The following HEG1 variants were observed in gnomAD, a reference collection of about 807,000 sequenced individuals.
HEG1 encodes protein HEG homolog 1.
Under a neutral mutation model 125.6 loss-of-function variants are expected in HEG1, and 56 were observed. That is an observed-to-expected ratio of 0.45 (90% CI 0.36 to 0.56). The LOEUF is 0.56. Among genes scored for constraint, HEG1 ranks in the 20% least tolerant of loss-of-function variants. The pLI is 0.00. For missense variants in HEG1, 1,523 were observed against 1,670.0 expected (o/e 0.91, Z 1.53); for synonymous variants, 644 against 668.5 (o/e 0.96, Z 0.57).
intron 5 of HEG1, among the ~76,000 whole-genome samples, chr3:125,018,540 A>G (rs1029357728): frequency 6.6e-6 from 1 of 152,240 alleles, no homozygotes; most frequent in Non-Finnish European, 1.5e-5. Context: ...ATACCTCAAT[A>G]AAGCTGGTTT....
chr3:125,047,730 C>T (rs967914185), intron 1 of HEG1, among the ~76,000 whole-genome samples: 1 of 152,118 alleles, frequency 6.6e-6, no homozygotes, highest in Admixed American at 6.5e-5. Context: ...CAATTCTAGC[C>T]CAACATATGA....
intron 1 of HEG1, among the ~76,000 whole-genome samples, chr3:125,038,577 T>C (rs1937567604): frequency 6.6e-6 from 1 of 152,196 alleles, no homozygotes; most frequent in African/African-American, 2.4e-5. Context: ...GGCATCGCAG[T>C]GGGGACAATG....
At chr3:124,980,771 G>A (rs1158539920) in intron 14 of HEG1, among the ~76,000 whole-genome samples, 3 of 152,034 alleles carry the variant, frequency 2.0e-5, no homozygotes, top group Non-Finnish European at 2.9e-5. Flanking sequence ...CGCTCACCTC[G>A]GCCTCCCACG....
chr3:125,005,179 G>A, intron 9 of HEG1, 86 bp downstream of exon 9: 1 of 770,514 alleles, frequency 1.3e-6, no homozygotes, highest in Non-Finnish European at 2.2e-6. Context: ...AGGAGACACA[G>A]CTGACCGCTA....
chr3:124,970,701 T>C lies in HEG1; in HGVS notation c.4097A>G (p.Tyr1366Cys), dbSNP rs923094201. ...TTCATCACTGATGAAAGACGGGTTA[T>C]ACTGTCCGGGGAAAATGCAAGAATG... ...SRHSCIFPGQYNPSFISDESR... is the reference protein window; with the variant it reads ...SRHSCIFPGQCNPSFISDESR... The change falls in exon 17 of 17, where the codon TAT (tyrosine) becomes TGT (cysteine). Residue 1366 changes from tyrosine (Y) to cysteine (C), a missense_variant. By Grantham distance (194) the Tyr-to-Cys change is radical. Transcript: ENST00000311127. The C allele has an allele frequency of 8.1e-6, 13 of 1,608,944 alleles. No homozygotes were observed. Among genetic ancestry groups the C allele is most frequent in the Non-Finnish European group, 1.1e-5 (13 of 1,177,672 alleles).
At chr3:124,979,376 T>C (rs868132490) in intron 14 of HEG1, among the ~76,000 whole-genome samples, 10 of 152,208 alleles carry the variant, frequency 6.6e-5, no homozygotes, top group South Asian at 4.1e-4. Context: ...TGGGAATCAC[T>C]GCATCAACCA....
rs149881929 is a variant in HEG1 at position 125,029,285 on chromosome 3, C to T, written c.520G>A (p.Gly174Ser). ...AETADARGRS[G>S]SSSRTNFTIL... Reference sequence around the variant, plus strand: ...GTGAAGTTTGTTCTACTTGAAGAGCCGCTCCTTCCTCTAGCATCTGCTGTT... The same window carrying T: ...GTGAAGTTTGTTCTACTTGAAGAGCTGCTCCTTCCTCTAGCATCTGCTGTT... Residue 174 changes from glycine to serine, a missense_variant, in exon 2 of 17, where the codon GGC becomes AGC. Coordinates refer to ENST00000311127, the MANE Select transcript of HEG1 (RefSeq NM_020733.2). The T allele has an allele frequency of 5.7e-4, 912 of 1,613,834 alleles. 1 individual carries two copies. The African/African-American group carries it at 0.01, about 18-fold the overall frequency.
At chr3:125,022,960 G>C (rs564155459) in intron 3 of HEG1, among the ~76,000 whole-genome samples, 1 of 152,314 alleles carries the variant, frequency 6.6e-6, no homozygotes, top group South Asian at 2.1e-4. Context: ...TTGGGAGGTT[G>C]AGGCGGGTGG....
intron 1 of HEG1, among the ~76,000 whole-genome samples, chr3:125,043,459 T>C (rs1937617755): frequency 6.6e-6 from 1 of 151,640 alleles, no homozygotes; most frequent in Non-Finnish European, 1.5e-5. Flanking sequence ...AGTCCTAGGG[T>C]CAAAGGTCAG....
Position 124,970,401 on chromosome 3 carries a change from C to T in HEG1, c.*251G>A, listed in dbSNP as rs1936403583. On this transcript the variant is annotated 3_prime_UTR_variant, in exon 17 of 17. Transcript: ENST00000311127. Reference sequence around the variant, plus strand: ...TGGTGCCAGTGCCATGGTGCAGTCACTCAGAGAGACTCTCTTGATACTGGC... The same window carrying T: ...TGGTGCCAGTGCCATGGTGCAGTCATTCAGAGAGACTCTCTTGATACTGGC... 1.3e-5 allele frequency: 6 copies of T among 460,136 alleles called. No homozygotes were observed. In the East Asian group the frequency reaches 2.3e-4, roughly 18 times the overall value. 28.5% of individuals were successfully genotyped at this position (460,136 alleles called of 1,614,324 possible). A position where few individuals can be genotyped will look rare whatever the true frequency, so the allele number is the denominator to read the frequency against.
chr3:124,974,770 T>G (rs1403269194), intron 15 of HEG1, among the ~76,000 whole-genome samples: 1 of 152,208 alleles, frequency 6.6e-6, no homozygotes, highest in Non-Finnish European at 1.5e-5. Flanking sequence ...ATAAGTTTTC[T>G]AGGGAAGGCA....
At chr3:125,035,482 T>C (rs1453959647) in intron 1 of HEG1, among the ~76,000 whole-genome samples, 1 of 152,032 alleles carries the variant, frequency 6.6e-6, no homozygotes, top group Non-Finnish European at 1.5e-5. Context: ...ACAGTGACAA[T>C]GGAAGCCAAA....
Position 125,020,869 on chromosome 3 carries a change from C to T in HEG1, c.1175G>A (p.Gly392Glu). 1.9e-6 allele frequency: 3 copies of T among 1,613,970 alleles called. No individual in the cohort carries two copies. The highest frequency in any genetic ancestry group is 2.5e-6 in the Non-Finnish European group (3 of 1,179,882). ...RRNSRVTGNP[G>E]DEEFIEPSTE... ...GGATGGTTCAATGAATTCCTCATCC[C>T]CTGGATTCCCAGTTACTCTACTGTT... The change falls in exon 4 of 17, where the codon GGG becomes GAG. Residue 392 changes from glycine to glutamate, a missense_variant. Gly to Glu is a moderately conservative substitution (Grantham distance 98, BLOSUM62 -2). Coordinates refer to ENST00000311127, the MANE Select transcript of HEG1 (RefSeq NM_020733.2).
intron 3 of HEG1, among the ~76,000 whole-genome samples, chr3:125,026,817 T>C (rs574950023): frequency 6.6e-6 from 1 of 152,116 alleles, no homozygotes; most frequent in East Asian, 1.9e-4. Context: ...CTGGCCAACA[T>C]GCTGAAACCC....
At chr3:125,000,880 C>T (rs1017911719) in intron 11 of HEG1, among the ~76,000 whole-genome samples, 1 of 152,226 alleles carries the variant, frequency 6.6e-6, no homozygotes, top group Non-Finnish European at 1.5e-5. Context: ...GCCAGCCCTA[C>T]TTGTGTAGTA....
At chr3:124,974,257 A>C (rs1405443978) in intron 15 of HEG1, among the ~76,000 whole-genome samples, 1 of 152,122 alleles carries the variant, frequency 6.6e-6, no homozygotes, top group Non-Finnish European at 1.5e-5. Flanking sequence ...AATTCACAGA[A>C]TGCTGGAGCC....
intron 14 of HEG1, among the ~76,000 whole-genome samples, chr3:124,983,317 G>A (rs1302518549): frequency 6.7e-6 from 1 of 150,230 alleles, no homozygotes; most frequent in Non-Finnish European, 1.5e-5. Context: ...TGTGATTTAT[G>A]GTTAGAATTT....
chr3:125,002,317 T>C lies in HEG1; in HGVS notation c.3298-2A>G, dbSNP rs1291873639. 1.2e-6 allele frequency: 2 copies of C among 1,612,936 alleles called. No homozygotes were observed. The highest frequency in any genetic ancestry group is 1.7e-6 in the Non-Finnish European group (2 of 1,179,250). On this transcript the variant is annotated splice_acceptor_variant, in intron 9 of 16. Coordinates refer to ENST00000311127, the MANE Select transcript of HEG1 (RefSeq NM_020733.2). LOFTEE classifies it high-confidence loss of function. ...TAACGCTGAAAAACACATATTTAAC[T>C]GAAAGGAAGAACAAGCCTGTCGTTA...
intron 11 of HEG1, among the ~76,000 whole-genome samples, chr3:125,000,751 G>A (rs1378437141): frequency 6.6e-6 from 1 of 152,132 alleles, no homozygotes; most frequent in Non-Finnish European, 1.5e-5. Flanking sequence ...TGGAACCCAG[G>A]CCCACTGGGA....
Sources: allele counts gnomAD v4.1 joint callset (sites outside exome capture counted in the v4.1 genomes callset), GRCh38; gene constraint gnomAD v4.1.1; transcripts MANE v1.5; gene names NCBI Gene and HGNC (gene_info 2026-07-23, HGNC 2026-07-21).